The following SLC25A21 variants were observed in gnomAD, a reference collection of about 807,000 sequenced individuals.
SLC25A21 encodes the protein mitochondrial 2-oxodicarboxylate carrier.
A neutral mutation model predicts 43.8 loss-of-function variants in SLC25A21; 47 were observed. The ratio of observed to expected loss-of-function variants is 1.07; its 90% CI spans 0.85 to 1.37. SLC25A21 has a LOEUF of 1.37. SLC25A21 is among the 40% of genes most tolerant of loss of function. The pLI is 0.00. For synonymous variants in SLC25A21, 131 were observed against 121.3 expected, an observed-to-expected ratio of 1.08 and a Z score of -0.52; for missense variants, 352 against 350.2, an observed-to-expected ratio of 1.00 and a Z score of -0.04.
At chr14:36,900,666 T>C (rs765372259) in intron 1 of SLC25A21, among the ~76,000 whole-genome samples, 9 of 152,222 alleles carry the variant, frequency 5.9e-5, no homozygotes, top group Admixed American at 3.9e-4. Context: ...GGAAATGAAA[T>C]GGCTTGAGTT....
chr14:37,148,442 T>G (rs550473119), intron 1 of SLC25A21, among the ~76,000 whole-genome samples: 6 of 152,350 alleles, frequency 3.9e-5, no homozygotes, highest in African/African-American at 9.6e-5. Flanking sequence ...ACAGATGTTT[T>G]GTCTTCATTG....
chr14:36,856,534 G>C (rs1485224383), intron 2 of SLC25A21, among the ~76,000 whole-genome samples: 2 of 152,176 alleles, frequency 1.3e-5, no homozygotes, highest in African/African-American at 4.8e-5. Flanking sequence ...GAGAATGCTT[G>C]ATGATCTCCC....
chr14:36,678,675 T>G lies in SLC25A21; in HGVS notation c.*1983A>C. On this transcript the variant is annotated 3_prime_UTR_variant, in exon 10 of 10. Transcript: ENST00000331299. ...GGCTTTAAAAAATATTACTTGCTTG[T>G]GTGGAAATGCAAATAATGTTATTTT... is the stretch of plus-strand genomic sequence containing the variant. 1 of 1,259,828 alleles carries G rather than the reference T, an allele frequency of 7.9e-7. No individual in the cohort carries two copies. The highest frequency in any genetic ancestry group is 1.0e-6 in the Non-Finnish European group (1 of 1,002,254). 78.0% of individuals were successfully genotyped at this position (1,259,828 alleles called of 1,614,324 possible).
At chr14:36,980,584 A>T (rs1346179580) in intron 1 of SLC25A21, among the ~76,000 whole-genome samples, 1 of 152,174 alleles carries the variant, frequency 6.6e-6, no homozygotes, top group Admixed American at 6.5e-5. Context: ...TGCCATGGTT[A>T]TCAGCACTGT....
intron 3 of SLC25A21, among the ~76,000 whole-genome samples, chr14:36,783,221 G>T (rs1887135197): frequency 6.6e-6 from 1 of 150,388 alleles, no homozygotes; most frequent in South Asian, 2.1e-4. Context: ...GTGGTGGGGG[G>T]GCGGAGGAGG....
chr14:36,850,966 T>C lies in SLC25A21; in HGVS notation c.119+23990A>G, dbSNP rs192285228. Among the ~76,000 whole-genome samples the C allele has an allele frequency of 1.1e-3, 173 of 152,350 alleles. 1 individual carries two copies. The highest frequency in any genetic ancestry group is 0.01 in the Middle Eastern group (3 of 294). On this transcript the variant is annotated intron_variant, in intron 2 of 9. Coordinates refer to ENST00000331299, the MANE Select transcript of SLC25A21 (RefSeq NM_030631.4). ...TCTTTTCCTCTACTGCAAATGTTAG[T>C]CCTGGAAATGGTCACTAAAGATTAT...
chr14:36,957,981 C>T (rs7141893), intron 1 of SLC25A21, among the ~76,000 whole-genome samples: 56,256 of 152,126 alleles, frequency 0.37, 10,602 homozygotes, highest in South Asian at 0.48. Context: ...TAGCGATTAA[C>T]TTGAACATAT....
intron 6 of SLC25A21, among the ~76,000 whole-genome samples, chr14:36,722,194 C>T (rs554344397): frequency 1.3e-5 from 2 of 152,228 alleles, no homozygotes; most frequent in Admixed American, 1.3e-4. Flanking sequence ...GCAAATATCT[C>T]ATATAATTTT....
intron 3 of SLC25A21, among the ~76,000 whole-genome samples, chr14:36,747,188 G>A (rs1885533600): frequency 1.3e-5 from 2 of 152,094 alleles, no homozygotes; most frequent in Admixed American, 1.3e-4. Context: ...ACTGCTTAAT[G>A]GTTATTCCTG....
intron 1 of SLC25A21, among the ~76,000 whole-genome samples, chr14:36,919,016 C>T (rs1465694123): frequency 6.6e-6 from 1 of 151,896 alleles, no homozygotes; most frequent in Non-Finnish European, 1.5e-5. Context: ...AGAGTCCAGC[C>T]ACAGAGATCA....
intron 1 of SLC25A21, among the ~76,000 whole-genome samples, chr14:36,964,207 C>T (rs1426487710): frequency 1.3e-5 from 2 of 152,178 alleles, no homozygotes; most frequent in Non-Finnish European, 2.9e-5. Context: ...AATTGGCACA[C>T]TGATTGTAAG....
At position 36,993,848 on chromosome 14, in the gene SLC25A21, T is replaced by C. The variant is rs573215000; in HGVS notation, c.71-118844A>G. Among the ~76,000 whole-genome samples the C allele has an allele frequency of 3.3e-5, 5 of 152,266 alleles. No individual in the cohort carries two copies. The South Asian group carries it at 1.0e-3, about 32-fold the overall frequency. ...TGTGGCCACTTGACAATCCTTCACC[T>C]AAGTTTTCCATAAACCCAGAAAATG... On this transcript the variant is annotated intron_variant, in intron 1 of 9. Coordinates refer to ENST00000331299, the MANE Select transcript of SLC25A21 (RefSeq NM_030631.4).
intron 7 of SLC25A21, among the ~76,000 whole-genome samples, chr14:36,693,780 G>A (rs533418629): frequency 1.3e-5 from 2 of 152,096 alleles, no homozygotes; most frequent in Admixed American, 1.3e-4. Flanking sequence ...CTACAGGTGT[G>A]AGCCAGCATG....
chr14:36,825,022 T>C (rs1888774124), intron 2 of SLC25A21, among the ~76,000 whole-genome samples: 1 of 152,164 alleles, frequency 6.6e-6, no homozygotes, highest in Non-Finnish European at 1.5e-5. Flanking sequence ...GATGCAGGTC[T>C]GTTTGGAGAG....
At chr14:36,945,223 A>G (rs948883274) in intron 1 of SLC25A21, among the ~76,000 whole-genome samples, 7 of 152,226 alleles carry the variant, frequency 4.6e-5, no homozygotes, top group African/African-American at 9.7e-5. Context: ...TAATGAAGAA[A>G]CTGAGACATA....
At chr14:36,922,879 T>C (rs1892020334) in intron 1 of SLC25A21, among the ~76,000 whole-genome samples, 1 of 152,120 alleles carries the variant, frequency 6.6e-6, no homozygotes, top group African/African-American at 2.4e-5. Flanking sequence ...AAAAACTCTT[T>C]AAAAGAGGAC....
intron 7 of SLC25A21, among the ~76,000 whole-genome samples, chr14:36,704,066 T>C (rs1446907534): frequency 1.3e-5 from 2 of 152,210 alleles, no homozygotes; most frequent in African/African-American, 4.8e-5. Context: ...CTTTCCTCTA[T>C]TGTAGTCACT....
At chr14:36,752,032 GCAGTGAACAAGT>G (rs1885729376) in intron 3 of SLC25A21, among the ~76,000 whole-genome samples, 1 of 152,212 alleles carries the variant, frequency 6.6e-6, no homozygotes, top group African/African-American at 2.4e-5. Context: ...TAGGGATAGA[GCAGTGAACAAGT>G]CAGACACACT....
chr14:36,917,771 T>C (rs1891870034), intron 1 of SLC25A21, among the ~76,000 whole-genome samples: 1 of 152,060 alleles, frequency 6.6e-6, no homozygotes, highest in African/African-American at 2.4e-5. Flanking sequence ...ATGCAAATCA[T>C]ACAAAAAACC....
Sources: allele counts gnomAD v4.1 joint callset (sites outside exome capture counted in the v4.1 genomes callset), GRCh38; gene constraint gnomAD v4.1.1; transcripts MANE v1.5; gene names NCBI Gene and HGNC (gene_info 2026-07-23, HGNC 2026-07-21).